CDH13: variants seen among roughly 807,000 people sequenced by gnomAD.
The protein encoded by CDH13 is cadherin 13.
A neutral mutation model predicts 63.8 loss-of-function variants in CDH13; 24 were observed. The ratio of observed to expected loss-of-function variants is 0.38; its 90% CI spans 0.27 to 0.53. The LOEUF is 0.53. Ranked by LOEUF, CDH13 falls within the 20% of genes least tolerant of loss-of-function variation. CDH13 has a pLI of 0.85. For missense variants in CDH13, 1,049 were observed against 903.1 expected, an observed-to-expected ratio of 1.16 and a Z score of -2.07; for synonymous variants, 503 against 355.3, an observed-to-expected ratio of 1.42 and a Z score of -4.67.
chr16:83,788,463 GA>G (rs924869831), intron 13 of CDH13, among the ~76,000 whole-genome samples: 2 of 49,848 alleles, frequency 4.0e-5, no homozygotes, highest in African/African-American at 8.4e-5. Context: ...AGTAAACATT[GA>G]ATTTTTTTTT....
intron 6 of CDH13, among the ~76,000 whole-genome samples, chr16:83,428,661 T>C (rs1179499427): frequency 1.3e-5 from 2 of 152,218 alleles, no homozygotes; most frequent in African/African-American, 2.4e-5. Context: ...TAAGTAGATA[T>C]ACTAGAAATT....
intron 10 of CDH13, among the ~76,000 whole-genome samples, chr16:83,714,668 C>T (rs781363979): frequency 3.3e-5 from 5 of 152,178 alleles, no homozygotes; most frequent in Non-Finnish European, 5.9e-5. Flanking sequence ...AAGACAGACT[C>T]AGGAACTGTT....
chr16:83,161,685 T>C (rs965080272), intron 4 of CDH13, among the ~76,000 whole-genome samples: 2 of 152,152 alleles, frequency 1.3e-5, no homozygotes, highest in African/African-American at 4.8e-5. Context: ...AGTTAAAGAA[T>C]CACCCACCAT....
intron 10 of CDH13, among the ~76,000 whole-genome samples, chr16:83,700,025 T>C (rs1337494217): frequency 6.6e-6 from 1 of 152,226 alleles, no homozygotes; most frequent in Non-Finnish European, 1.5e-5. Context: ...AGATCGTGCA[T>C]GTGTCTAGCA....
At chr16:83,331,644 A>C (rs2090482788) in intron 5 of CDH13, among the ~76,000 whole-genome samples, 1 of 152,246 alleles carries the variant, frequency 6.6e-6, no homozygotes, top group Non-Finnish European at 1.5e-5. Context: ...AAAATCACTC[A>C]ATAAAACCAC....
chr16:82,639,938 T>C (rs2150885037), intron 1 of CDH13, among the ~76,000 whole-genome samples: 1 of 152,328 alleles, frequency 6.6e-6, no homozygotes, highest in Non-Finnish European at 1.5e-5. Flanking sequence ...GCATTCCCTA[T>C]TTGGTTAACT....
chr16:82,973,186 G>A (rs558286212), intron 2 of CDH13, among the ~76,000 whole-genome samples: 44 of 152,240 alleles, frequency 2.9e-4, no homozygotes, highest in African/African-American at 9.2e-4. Flanking sequence ...TTCTACCAAC[G>A]TTCACTCTGC....
At chr16:82,847,459 G>A (rs1258142579) in intron 1 of CDH13, among the ~76,000 whole-genome samples, 1 of 152,126 alleles carries the variant, frequency 6.6e-6, no homozygotes, top group African/African-American at 2.4e-5. Flanking sequence ...GCAATGTGGG[G>A]CTGAGTTCAT....
At chr16:83,042,415 C>T (rs1198552368) in intron 3 of CDH13, among the ~76,000 whole-genome samples, 3 of 152,126 alleles carry the variant, frequency 2.0e-5, no homozygotes, top group Non-Finnish European at 4.4e-5. Flanking sequence ...AATCTAATGC[C>T]TGATGATCTG....
intron 1 of CDH13, among the ~76,000 whole-genome samples, chr16:82,658,343 T>C (rs1334957987): frequency 2.0e-5 from 3 of 152,238 alleles, no homozygotes; most frequent in Admixed American, 2.0e-4. Flanking sequence ...ATAGTTGATT[T>C]GACTCCTTTA....
chr16:83,020,376 A>G (rs1915234446), intron 2 of CDH13, among the ~76,000 whole-genome samples: 1 of 152,032 alleles, frequency 6.6e-6, no homozygotes, highest in Admixed American at 6.6e-5. Flanking sequence ...AAACTCTTGG[A>G]GGAAGGGCCT....
At chr16:83,472,715 G>C (rs76389713) in intron 6 of CDH13, among the ~76,000 whole-genome samples, 3,825 of 152,258 alleles carry the variant, frequency 0.025, 166 homozygotes, top group African/African-American at 0.087. Context: ...ATGGGGAAGA[G>C]CATTTAAAAC....
At chr16:83,195,186 T>G (rs1396185510) in intron 4 of CDH13, among the ~76,000 whole-genome samples, 1 of 152,186 alleles carries the variant, frequency 6.6e-6, no homozygotes, top group Non-Finnish European at 1.5e-5. Flanking sequence ...CCATTATGAT[T>G]GAAGTGGTTG....
chr16:83,391,649 A>G (rs934793817), intron 6 of CDH13, among the ~76,000 whole-genome samples: 3 of 152,222 alleles, frequency 2.0e-5, no homozygotes, highest in Admixed American at 6.5e-5. Context: ...CCGCCAGAGT[A>G]TCCTCACACA....
intron 7 of CDH13, among the ~76,000 whole-genome samples, chr16:83,492,886 C>G (rs1231460940): frequency 6.6e-6 from 1 of 152,184 alleles, no homozygotes; most frequent in Non-Finnish European, 1.5e-5. Context: ...CCCCATCCCT[C>G]TTAGTGTGAC....
intron 4 of CDH13, among the ~76,000 whole-genome samples, chr16:83,128,686 T>A (rs2035915776): frequency 6.6e-6 from 1 of 152,226 alleles, no homozygotes; most frequent in Admixed American, 6.5e-5. Flanking sequence ...TTGGGTGAAT[T>A]TTCTCACAAG....
intron 10 of CDH13, among the ~76,000 whole-genome samples, chr16:83,697,941 C>T (rs1001137180): frequency 3.9e-5 from 6 of 152,232 alleles, no homozygotes; most frequent in African/African-American, 1.4e-4. Context: ...AGCCACTGCA[C>T]CCAGCCTACA....
chr16:82,835,174 C>T (rs1020360057), intron 1 of CDH13, among the ~76,000 whole-genome samples: 4 of 152,312 alleles, frequency 2.6e-5, no homozygotes, highest in Non-Finnish European at 5.9e-5. Flanking sequence ...CATACCACGT[C>T]TTTAAAATCC....
chr16:82,737,693 C>T (rs1033860971), intron 1 of CDH13, among the ~76,000 whole-genome samples: 1 of 152,200 alleles, frequency 6.6e-6, no homozygotes, highest in African/African-American at 2.4e-5. Flanking sequence ...GCAGAACCTG[C>T]CCTTAGTTCT....
Sources: allele counts gnomAD v4.1 joint callset (sites outside exome capture counted in the v4.1 genomes callset), GRCh38; gene constraint gnomAD v4.1.1; transcripts MANE v1.5; gene names NCBI Gene and HGNC (gene_info 2026-07-23, HGNC 2026-07-21).